Variants in DPEP3 observed in about 807,000 individuals in gnomAD.
DPEP3 encodes the protein dipeptidase 3.
DPEP3 carries 42 observed loss-of-function variants against 47.5 expected under a neutral mutation model. The ratio of observed to expected loss-of-function variants is 0.88; its 90% CI spans 0.69 to 1.14. The LOEUF (loss-of-function observed/expected upper bound fraction) is 1.14. Ranked by LOEUF, DPEP3 falls within the 50% of genes most tolerant of loss-of-function variation. DPEP3 has a pLI of 0.00. For missense variants in DPEP3, 560 were observed against 635.0 expected (o/e 0.88, Z 1.27); for synonymous variants, 276 against 270.2 (o/e 1.02, Z -0.21).
rs1051003935 is a variant in DPEP3 at position 67,978,090 on chromosome 16, T to C, written c.687-83A>G. 3.1e-6 allele frequency: 5 copies of C among 1,588,118 alleles called. No homozygotes were observed. In the African/African-American group the frequency reaches 5.4e-5, roughly 17 times the overall value. On this transcript the variant is annotated intron_variant, in intron 4 of 9. Transcript: ENST00000268793. The surrounding 1 kb of genome is among the most constrained non-coding windows in gnomAD (Gnocchi z 4.4). Reference sequence around the variant, plus strand: ...TGGGGGCCCTGGCTCTATCCATCCATCCTGCTTCCAGAACAGGTGCAGAAC... The same window carrying C: ...TGGGGGCCCTGGCTCTATCCATCCACCCTGCTTCCAGAACAGGTGCAGAAC...
chr16:67,980,208 G>A lies in DPEP3; in HGVS notation c.173C>T (p.Pro58Leu), dbSNP rs138005567. 2.0e-4 allele frequency: 316 copies of A among 1,610,270 alleles called. 2 individuals are homozygous for A. The African/African-American group carries it at 3.3e-3, about 17-fold the overall frequency. Residue 58 changes from proline to leucine, a missense_variant, in exon 1 of 10, where the codon CCG (proline) becomes CTG (leucine). Physicochemically the swap from Pro to Leu is moderately conservative, Grantham distance 98 (BLOSUM62 -3). Transcript: ENST00000268793. The stretch of plus-strand genomic sequence containing the variant: ...GGTAGTGAGGGCGCTGGGGACACCC[G>A]GCGTGGTGAAGAGGCTGGGGGAGCC... ...TLGSPSLFTT[P>L]GVPSALTTPG...
chr16:67,976,523 C>T (rs990640539), intron 8 of DPEP3, among the ~76,000 whole-genome samples, 177 bp downstream of exon 8: 2 of 152,128 alleles, frequency 1.3e-5, no homozygotes, highest in Non-Finnish European at 1.5e-5. Context: ...GGCCACTGGG[C>T]CACTGAAGGG....
chr16:67,976,734 T>C lies in DPEP3; in HGVS notation c.1060A>G (p.Ile354Val). Residue 354 changes from isoleucine to valine, a missense_variant, in exon 8 of 10, where the codon ATC becomes GTC. Transcript: ENST00000268793. ...CCGTCATAATTTCCACCAATCCCGA[T>C]GAACTCAGATCCAATGACTGCCCTG... ...HIRAVIGSEF[I>V]GIGGNYDGTG... 1 of 1,614,104 alleles carries C rather than the reference T, an allele frequency of 6.2e-7. No homozygotes were observed. Among genetic ancestry groups the C allele is most frequent in the South Asian group, 1.1e-5 (1 of 91,064 alleles).
Position 67,980,489 on chromosome 16 carries a change from C to CTG in DPEP3, c.-110_-109insCA. 1 of 1,430,300 alleles carries CTG rather than the reference C, an allele frequency of 7.0e-7. No individual in the cohort carries two copies. Among genetic ancestry groups the CTG allele is most frequent in the Non-Finnish European group, 9.2e-7 (1 of 1,092,152 alleles). The allele number at this position is 1,430,300 out of a possible 1,614,324, so 88.6% of individuals were successfully genotyped here. On this transcript the variant is annotated 5_prime_UTR_variant, in exon 1 of 10. Coordinates refer to ENST00000268793, the MANE Select transcript of DPEP3 (RefSeq NM_001370198.1). ...AGCCTCCCGAAGAGGGGGTTGAAGTCACGCGACTCTGAGACCGACGCGCCA... is the reference window on the plus strand; with the variant it reads ...AGCCTCCCGAAGAGGGGGTTGAAGTCTGACGCGACTCTGAGACCGACGCGCCA...
Position 67,980,454 on chromosome 16 carries a change from A to T in DPEP3, c.-74T>A. 2 of 1,450,006 alleles carry T rather than the reference A, an allele frequency of 1.4e-6. No individual in the cohort carries two copies. The highest frequency in any genetic ancestry group is 1.5e-5 in the South Asian group (1 of 68,640). The allele number at this position is 1,450,006 out of a possible 1,614,324, so 89.8% of individuals were successfully genotyped here. A position where few individuals can be genotyped will look rare whatever the true frequency, so the allele number is the denominator to read the frequency against. On this transcript the variant is annotated 5_prime_UTR_variant, in exon 1 of 10. It removes an upstream start codon present in the reference 5' UTR. Transcript: ENST00000268793. ...AGAGGCCGACAATGGGGTCCGGATCATGACGACCCAGCCTCCCGAAGAGGG... is the reference window on the plus strand; with the variant it reads ...AGAGGCCGACAATGGGGTCCGGATCTTGACGACCCAGCCTCCCGAAGAGGG...
rs752641508 is a variant in DPEP3 at position 67,980,169 on chromosome 16, G to A, written c.212C>T (p.Thr71Met). The change falls in exon 1 of 10, where the codon ACG becomes ATG. Residue 71 changes from threonine (T) to methionine (M), a missense_variant. Thr to Met is a moderately conservative substitution (Grantham distance 81). Transcript: ENST00000268793. ...PSALTTPGLT[T>M]PGTPKTLDLR... ...GTCCAGGGTTTTGGGGGTGCCTGGC[G>A]TAGTGAGGCCTGGGGTAGTGAGGGC... The A allele has an allele frequency of 3.1e-6, 5 of 1,612,136 alleles. 1 individual carries two copies. Among genetic ancestry groups the A allele is most frequent in the Admixed American group, 3.4e-5 (2 of 59,614 alleles).
Position 67,978,615 on chromosome 16 carries a change from G to A in DPEP3, c.426C>T (p.Ala142=). ...GGTCCTGGGACTGGCATGAGACGGAGGCTGACCAGAACTGAGGGTAGGTCA... is the reference window on the plus strand; with the variant it reads ...GGTCCTGGGACTGGCATGAGACGGAAGCTGACCAGAACTGAGGGTAGGTCA... ...DGLVGAQFWS[A]SVSCQSQDQT... Residue 142 remains alanine (A), a synonymous_variant, in exon 3 of 10, where the codon GCC becomes GCT. Transcript: ENST00000268793. This position sits in a 1 kb window ranked among gnomAD's most constrained non-coding sequence, Gnocchi z 4.4. 1.2e-6 allele frequency: 2 copies of A among 1,613,742 alleles called. No homozygotes were observed. Among genetic ancestry groups the A allele is most frequent in the Non-Finnish European group, 1.7e-6 (2 of 1,179,826 alleles).
chr16:67,978,477 C>A lies in DPEP3; in HGVS notation c.544+20G>T. ...AACCTCCAGAGTGACATCCTGACTA[C>A]CTCTCATCTGCTGGCCCACCTTCAG... On this transcript the variant is annotated intron_variant, in intron 3 of 9. Transcript: ENST00000268793. This position sits in a 1 kb window ranked among gnomAD's most constrained non-coding sequence, Gnocchi z 4.4. 1 of 1,614,044 alleles carries A rather than the reference C, an allele frequency of 6.2e-7. No individual in the cohort carries two copies. The highest frequency in any genetic ancestry group is 8.5e-7 in the Non-Finnish European group (1 of 1,179,928).
Position 67,975,735 on chromosome 16 carries a change from C to A in DPEP3, c.*30G>T. On this transcript the variant is annotated 3_prime_UTR_variant, in exon 10 of 10. Coordinates refer to ENST00000268793, the MANE Select transcript of DPEP3 (RefSeq NM_001370198.1). The stretch of plus-strand genomic sequence containing the variant: ...GGAGAGGGGGCTTTGTGAGGCTTTG[C>A]CACAGTGACCTCTGCGGGGACCGAC... 1.3e-6 allele frequency: 2 copies of A among 1,583,274 alleles called. No individual in the cohort carries two copies. Among genetic ancestry groups the A allele is most frequent in the Non-Finnish European group, 1.7e-6 (2 of 1,162,090 alleles).
intron 7 of DPEP3, among the ~76,000 whole-genome samples, chr16:67,977,027 C>T (rs1040142020): frequency 6.6e-6 from 1 of 152,158 alleles, no homozygotes; most frequent in Non-Finnish European, 1.5e-5. Context: ...GCCTGTCCTG[C>T]CCAGAGATGT....
Position 67,978,763 on chromosome 16 carries a change from C to A in DPEP3, c.415-137G>T, listed in dbSNP as rs747498158. 1 of 944,902 alleles carries A rather than the reference C, an allele frequency of 1.1e-6. No individual in the cohort carries two copies. Among genetic ancestry groups the A allele is most frequent in the Non-Finnish European group, 1.6e-6 (1 of 639,454 alleles). The allele number at this position is 944,902 out of a possible 1,614,324, so 58.5% of individuals were successfully genotyped here. A position where few individuals can be genotyped will look rare whatever the true frequency, so the allele number is the denominator to read the frequency against. On this transcript the variant is annotated intron_variant, in intron 2 of 9. Transcript: ENST00000268793. The surrounding 1 kb of genome is among the most constrained non-coding windows in gnomAD (Gnocchi z 4.4). ...GAGGCACTACATGACTCCATGGTAC[C>A]TTGATGACTTTTTTTAAAATTATTT...
intron 1 of DPEP3, 127 bp downstream of exon 1, chr16:67,979,967 G>C: frequency 7.2e-7 from 1 of 1,386,666 alleles, no homozygotes. Context: ...GGTGATGGAG[G>C]AGAGAGGGCA....
chr16:67,977,882 G>A, intron 5 of DPEP3, 53 bp from the exon 6 acceptor site: 6 of 1,613,896 alleles, frequency 3.7e-6, no homozygotes, highest in South Asian at 1.1e-5. Context: ...GTGCAAAGGT[G>A]TACACACATA....
rs892003575 is a variant in DPEP3, at chr16:67,978,992, G to A, written c.415-366C>T. On this transcript the variant is annotated intron_variant, in intron 2 of 9. Transcript: ENST00000268793. The surrounding 1 kb of genome is among the most constrained non-coding windows in gnomAD (Gnocchi z 4.4). ...TGTTTGCTGCCAGCAGTCAAATGAT[G>A]GACTCACGACACATCATAAATTACT... Among the ~76,000 whole-genome samples the A allele has an allele frequency of 6.6e-6, 1 of 152,030 alleles. No individual in the cohort carries two copies. Among genetic ancestry groups the A allele is most frequent in the Non-Finnish European group, 1.5e-5 (1 of 68,014 alleles).
Position 67,979,759 on chromosome 16 carries a change from A to T in DPEP3, c.294T>A (p.Asn98Lys), listed in dbSNP as rs550111634. 4.3e-6 allele frequency: 7 copies of T among 1,613,864 alleles called. No individual in the cohort carries two copies. The East Asian group carries it at 1.3e-4, about 31-fold the overall frequency. The change falls in exon 2 of 10, where the codon AAT (asparagine) becomes AAA (lysine). Residue 98 changes from asparagine to lysine, a missense_variant. Physicochemically the swap from Asn to Lys is moderately conservative, Grantham distance 94. Transcript: ENST00000268793. ...MRSFPLVDGH[N>K]DLPQVLRQRY... Reference sequence around the variant, plus strand: ...GCTGTCTCAGGACCTGGGGCAGGTCATTGTGGCTGGGGGTGTGAAGGTCAG... The same window carrying T: ...GCTGTCTCAGGACCTGGGGCAGGTCTTTGTGGCTGGGGGTGTGAAGGTCAG...
Position 67,978,791 on chromosome 16 carries a change from T to C in DPEP3, c.415-165A>G, listed in dbSNP as rs72790380. On this transcript the variant is annotated intron_variant, in intron 2 of 9. Coordinates refer to ENST00000268793, the MANE Select transcript of DPEP3 (RefSeq NM_001370198.1). The surrounding 1 kb of genome is among the most constrained non-coding windows in gnomAD (Gnocchi z 4.4). ...GATGACTTTTTTTAAAATTATTTTTTATTTTTATTTTAAAATTTGAGACAG... is the reference window on the plus strand; with the variant it reads ...GATGACTTTTTTTAAAATTATTTTTCATTTTTATTTTAAAATTTGAGACAG... Among the ~76,000 whole-genome samples, 9,958 of 152,256 alleles carry C rather than the reference T, an allele frequency of 0.065. 420 individuals are homozygous for C. The highest frequency in any genetic ancestry group is 0.094 in the Admixed American group (1,429 of 15,272).
At position 67,978,509 on chromosome 16, in the gene DPEP3, T is replaced by C. The variant is rs764861615; in HGVS notation, c.532A>G (p.Thr178Ala). Residue 178 changes from threonine to alanine, a missense_variant, in exon 3 of 10, where the codon ACC becomes GCC. Physicochemically the swap from Thr to Ala is moderately conservative, Grantham distance 58. Coordinates refer to ENST00000268793, the MANE Select transcript of DPEP3 (RefSeq NM_001370198.1). The surrounding 1 kb of genome is among the most constrained non-coding windows in gnomAD (Gnocchi z 4.4). The stretch of plus-strand genomic sequence containing the variant: ...TCTGCTGGCCCACCTTCAGCTGAGG[T>C]CACAAGCTCGAGTTCAGAGTAGGAG... ...CASYSELELV[T>A]SAEGLNSSQK... 1 of 1,613,796 alleles carries C rather than the reference T, an allele frequency of 6.2e-7. No homozygotes were observed. The highest frequency in any genetic ancestry group is 8.5e-7 in the Non-Finnish European group (1 of 1,179,940).
In DPEP3 at chr16:67,977,801, C is replaced by T. The variant is rs1364416133; in HGVS notation, c.785G>A (p.Gly262Asp). ...TGCATAGGACAAATCTATCATCATG[C>T]CCAGGCGGTTCAACTCCTCTACTAC... ...EKVVEELNRL[G>D]MMIDLSYASD... is the part of the protein sequence containing the mutation. The change falls in exon 6 of 10, where the codon GGC (glycine) becomes GAC (aspartate). Residue 262 changes from glycine to aspartate, a missense_variant. By Grantham distance (94) the Gly-to-Asp change is moderately conservative. Transcript: ENST00000268793. The T allele has an allele frequency of 6.2e-7, 1 of 1,613,946 alleles. No homozygotes were observed. The highest frequency in any genetic ancestry group is 1.7e-5 in the Admixed American group (1 of 60,014).
chr16:67,979,064 G>A (rs775509390), intron 2 of DPEP3, among the ~76,000 whole-genome samples: 4 of 152,202 alleles, frequency 2.6e-5, no homozygotes, highest in Non-Finnish European at 1.5e-5. Flanking sequence ...CCACACTGTG[G>A]GAGGCCGAGG....
Sources: gnomAD v4.1 joint callset for allele counts (sites outside exome capture counted in the v4.1 genomes callset) on GRCh38, gnomAD v4.1.1 for gene constraint, Gnocchi (gnomAD v3.1) non-coding constraint, MANE v1.5 for transcripts, NCBI Gene and HGNC (gene_info 2026-07-23, HGNC 2026-07-21) for gene names.